SUMF1: variants seen among roughly 807,000 people sequenced by gnomAD.
The protein encoded by SUMF1 is formylglycine-generating enzyme.
SUMF1 carries 48 observed loss-of-function variants against 47.6 expected under a neutral mutation model. That is an observed-to-expected ratio of 1.01 (90% CI 0.80 to 1.28). SUMF1 has a LOEUF of 1.28. Among genes scored for constraint, SUMF1 ranks in the 50% most tolerant of loss-of-function variants. The probability of loss-of-function intolerance (pLI) is 0.00; values close to 1 mark genes in which losing one functional copy is unlikely to be tolerated. For synonymous variants in SUMF1, 230 were observed against 192.1 expected, an observed-to-expected ratio of 1.20 and a Z score of -1.63; for missense variants, 571 against 485.4, an observed-to-expected ratio of 1.18 and a Z score of -1.66.
At chr3:4,254,087 G>T (rs1303267814) in intron 8 of SUMF1, among the ~76,000 whole-genome samples, 1 of 151,680 alleles carries the variant, frequency 6.6e-6, no homozygotes. Context: ...AAACAGAAAG[G>T]ACATCCACAC....
At chr3:4,271,957 A>G (rs1481680654) in intron 8 of SUMF1, among the ~76,000 whole-genome samples, 1 of 152,164 alleles carries the variant, frequency 6.6e-6, no homozygotes, top group Admixed American at 6.6e-5. Context: ...CCAAGAAAAA[A>G]TATTTTTTCT....
At chr3:4,333,196 G>C (rs975350838) in intron 8 of SUMF1, among the ~76,000 whole-genome samples, 2 of 152,214 alleles carry the variant, frequency 1.3e-5, no homozygotes, top group Non-Finnish European at 2.9e-5. Flanking sequence ...CTTGCAGAAA[G>C]GCAGAGGGTC....
chr3:4,077,374 C>G lies in SUMF1; in HGVS notation c.1015-8629G>C, dbSNP rs566322888. On this transcript the variant is annotated intron_variant and NMD_transcript_variant, in intron 8 of 12. Transcript: ENST00000448413. ...ATGCACACGTATGTTTATTGTGGCA[C>G]TATTCACAACAGAAAAGACTTGGAA... 5.3e-4 allele frequency among the ~76,000 whole-genome samples: 81 copies of G among 152,206 alleles called. 2 individuals carry two copies. In the South Asian group the frequency reaches 0.017, roughly 31 times the overall value.
chr3:4,122,802 A>G (rs795306), intron 8 of SUMF1, among the ~76,000 whole-genome samples: 118,132 of 152,098 alleles, frequency 0.78, 46,294 homozygotes, highest in Admixed American at 0.83. Flanking sequence ...TTCAAAGCAG[A>G]GGAGTGTATT....
intron 9 of SUMF1, among the ~76,000 whole-genome samples, chr3:4,059,206 T>C (rs752302739): frequency 2.6e-5 from 4 of 152,138 alleles, no homozygotes; most frequent in South Asian, 2.1e-4. Context: ...ATAAGGCTCA[T>C]AGATGGACAG....
At chr3:4,078,030 T>C (rs745723579) in intron 8 of SUMF1, among the ~76,000 whole-genome samples, 9 of 152,116 alleles carry the variant, frequency 5.9e-5, no homozygotes, top group Non-Finnish European at 1.2e-4. Context: ...CACTTTGCAC[T>C]GGGACTCACA....
rs1011205438 is a variant in SUMF1, at chr3:4,170,183, A to C, written c.1015-101438T>G. Among the ~76,000 whole-genome samples the C allele has an allele frequency of 1.9e-4, 29 of 152,202 alleles. 1 individual carries two copies. Among genetic ancestry groups the C allele is most frequent in the Non-Finnish European group, 2.5e-4 (17 of 68,038 alleles). On this transcript the variant is annotated intron_variant and NMD_transcript_variant, in intron 8 of 12. Coordinates refer to the SUMF1 transcript ENST00000448413. Reference sequence around the variant, plus strand: ...AACAGTAAAGTCAAGTCATCCTTACAGAGACCACAGGGCCTGCAAAGCCTA... The same window carrying C: ...AACAGTAAAGTCAAGTCATCCTTACCGAGACCACAGGGCCTGCAAAGCCTA...
At chr3:4,071,206 CCA>C (rs1391737837) in intron 8 of SUMF1, among the ~76,000 whole-genome samples, 2 of 133,496 alleles carry the variant, frequency 1.5e-5, no homozygotes, top group Admixed American at 7.3e-5. Context: ...AGGAACAGCT[CCA>C]GTCTGCAGCT....
chr3:4,218,472 G>C (rs1257432293), intron 8 of SUMF1, among the ~76,000 whole-genome samples: 1 of 139,518 alleles, frequency 7.2e-6, no homozygotes, highest in African/African-American at 2.5e-5. Context: ...TGGACAAGCA[G>C]TATAAGGAAG....
chr3:4,098,308 A>G (rs1280624577), intron 8 of SUMF1, among the ~76,000 whole-genome samples: 3 of 152,118 alleles, frequency 2.0e-5, no homozygotes, highest in African/African-American at 7.2e-5. Context: ...TTCTAAGCCC[A>G]TATCTCTAAC....
At chr3:4,281,113 G>A (rs1010600040) in intron 8 of SUMF1, among the ~76,000 whole-genome samples, 1 of 152,072 alleles carries the variant, frequency 6.6e-6, no homozygotes. Flanking sequence ...ACTTCTGGGC[G>A]AGGAGAAAAC....
At chr3:4,243,729 T>C (rs1443922548) in intron 8 of SUMF1, among the ~76,000 whole-genome samples, 1 of 152,174 alleles carries the variant, frequency 6.6e-6, no homozygotes, top group Non-Finnish European at 1.5e-5. Flanking sequence ...CTGAGAAGAA[T>C]GTATATTCTG....
chr3:4,318,666 G>A (rs959001076), intron 8 of SUMF1, among the ~76,000 whole-genome samples: 1 of 152,318 alleles, frequency 6.6e-6, no homozygotes, highest in Non-Finnish European at 1.5e-5. Context: ...CCAGCACTTT[G>A]GGAGGCCAAA....
At chr3:4,446,508 G>A (rs1702785801) in intron 3 of SUMF1, among the ~76,000 whole-genome samples, 3 of 152,282 alleles carry the variant, frequency 2.0e-5, no homozygotes, top group Middle Eastern at 6.8e-3. Flanking sequence ...CACGAGAAGA[G>A]ACTAATACAC....
intron 8 of SUMF1, among the ~76,000 whole-genome samples, chr3:4,125,800 C>G (rs1371076984): frequency 2.0e-5 from 3 of 152,146 alleles, no homozygotes; most frequent in Non-Finnish European, 2.9e-5. Context: ...TCAGCACCCT[C>G]TGGGTAGCAG....
intron 8 of SUMF1, among the ~76,000 whole-genome samples, chr3:4,174,347 C>A (rs1272694701): frequency 9.4e-6 from 1 of 106,106 alleles, no homozygotes; most frequent in Non-Finnish European, 1.9e-5. Context: ...CAGAGCGAGA[C>A]TCCGTCTCCA....
chr3:4,243,996 C>T (rs1398733800), intron 8 of SUMF1, among the ~76,000 whole-genome samples: 1 of 152,102 alleles, frequency 6.6e-6, no homozygotes, highest in African/African-American at 2.4e-5. Context: ...TGAATTGATC[C>T]CTTTACCATT....
intron 8 of SUMF1, among the ~76,000 whole-genome samples, chr3:4,106,441 C>T (rs1296862322): frequency 6.6e-6 from 1 of 152,128 alleles, no homozygotes; most frequent in Non-Finnish European, 1.5e-5. Flanking sequence ...AGATAACTGA[C>T]ATTCACTAAT....
intron 8 of SUMF1, among the ~76,000 whole-genome samples, chr3:4,205,118 C>T (rs1695623273): frequency 6.6e-6 from 1 of 152,088 alleles, no homozygotes; most frequent in Non-Finnish European, 1.5e-5. Context: ...GTGAAAATAG[C>T]CTTAACTGAT....
Sources: allele counts gnomAD v4.1 joint callset (sites outside exome capture counted in the v4.1 genomes callset), GRCh38; gene constraint gnomAD v4.1.1; transcripts MANE v1.5; gene names NCBI Gene and HGNC (gene_info 2026-07-23, HGNC 2026-07-21).